SEZ6L: variants seen among roughly 807,000 people sequenced by gnomAD.
The protein encoded by SEZ6L is seizure 6-like protein.
SEZ6L carries 37 observed loss-of-function variants against 106.2 expected under a neutral mutation model. The ratio of observed to expected loss-of-function variants is 0.35; its 90% CI spans 0.27 to 0.46. The LOEUF is 0.46. SEZ6L is among the 20% of genes least tolerant of loss of function. SEZ6L has a pLI of 1.00. For synonymous variants in SEZ6L, 541 were observed against 570.4 expected (o/e 0.95, Z 0.73); for missense variants, 1,172 against 1,332.8 (o/e 0.88, Z 1.88).
chr22:26,217,642 G>A (rs2078337208), intron 1 of SEZ6L, among the ~76,000 whole-genome samples: 1 of 152,196 alleles, frequency 6.6e-6, no homozygotes, highest in South Asian at 2.1e-4. Flanking sequence ...ATGGCCATGA[G>A]CAAGTCCCCC....
chr22:26,338,875 T>C (rs1447118582), intron 9 of SEZ6L, among the ~76,000 whole-genome samples: 1 of 126,828 alleles, frequency 7.9e-6, no homozygotes, highest in Non-Finnish European at 1.7e-5. Context: ...TTCTTTTTTT[T>C]TTTTTTTTTG....
At chr22:26,271,940 G>A (rs1271366851) in intron 1 of SEZ6L, among the ~76,000 whole-genome samples, 3 of 152,220 alleles carry the variant, frequency 2.0e-5, no homozygotes, top group African/African-American at 7.2e-5. Context: ...CTGTGATGTA[G>A]ACAGAAGATG....
At chr22:26,201,404 A>G (rs1940948483) in intron 1 of SEZ6L, among the ~76,000 whole-genome samples, 2 of 147,722 alleles carry the variant, frequency 1.4e-5, no homozygotes, top group South Asian at 4.3e-4. Context: ...AAAAAAAAAA[A>G]GAGGAAATTT....
intron 9 of SEZ6L, among the ~76,000 whole-genome samples, chr22:26,319,773 G>A (rs948479705): frequency 1.3e-5 from 2 of 152,166 alleles, no homozygotes; most frequent in Admixed American, 1.3e-4. Context: ...TTTATTTTTT[G>A]TCTTATTCAC....
Position 26,173,614 on chromosome 22 carries a change from C to T in SEZ6L, c.94+3851C>T, listed in dbSNP as rs1054920086. Among the ~76,000 whole-genome samples the T allele has an allele frequency of 7.2e-5, 11 of 152,160 alleles. 1 individual carries two copies. The highest frequency in any genetic ancestry group is 1.5e-4 in the Non-Finnish European group (10 of 68,050). On this transcript the variant is annotated intron_variant, in intron 1 of 16. Coordinates refer to ENST00000248933, the MANE Select transcript of SEZ6L (RefSeq NM_021115.5). Reference sequence around the variant, plus strand: ...CTTTCATTCATTCATTTGAATTTACCGAGCACTTCCTATGTGTCTTAGTTC... The same window carrying T: ...CTTTCATTCATTCATTTGAATTTACTGAGCACTTCCTATGTGTCTTAGTTC...
At chr22:26,348,939 G>C (rs2083182437) in intron 11 of SEZ6L, among the ~76,000 whole-genome samples, 1 of 141,880 alleles carries the variant, frequency 7.0e-6, no homozygotes, top group Non-Finnish European at 1.5e-5. Flanking sequence ...AAGGAAGGGA[G>C]GGAGGGAAGG....
intron 1 of SEZ6L, among the ~76,000 whole-genome samples, chr22:26,180,139 C>T (rs536287685): frequency 4.6e-5 from 7 of 152,170 alleles, no homozygotes; most frequent in Non-Finnish European, 8.8e-5. Flanking sequence ...GGAAGCATGC[C>T]ATGTGACACA....
At chr22:26,321,565 ACCT>A (rs2082155447) in intron 9 of SEZ6L, among the ~76,000 whole-genome samples, 1 of 152,004 alleles carries the variant, frequency 6.6e-6, no homozygotes, top group Non-Finnish European at 1.5e-5. Flanking sequence ...TGGACTTGGC[ACCT>A]CCTCCCTCCC....
At chr22:26,227,077 T>C (rs80192036) in intron 1 of SEZ6L, among the ~76,000 whole-genome samples, 1 of 152,232 alleles carries the variant, frequency 6.6e-6, no homozygotes, top group Non-Finnish European at 1.5e-5. Flanking sequence ...TCCATGAACA[T>C]GTGCACCGTG....
chr22:26,242,606 C>A (rs1175338048), intron 1 of SEZ6L: 1 of 152,172 alleles, frequency 6.6e-6, no homozygotes, highest in Non-Finnish European at 1.5e-5. Context: ...TAAAAAAGAA[C>A]AATTATTATT....
chr22:26,357,475 AAG>A (rs2083475523), intron 12 of SEZ6L, among the ~76,000 whole-genome samples: 1 of 152,170 alleles, frequency 6.6e-6, no homozygotes, highest in Admixed American at 6.5e-5. Flanking sequence ...CTCCTCCAGG[AAG>A]TCCTCCCTGA....
chr22:26,352,884 C>A (rs2083325452), intron 12 of SEZ6L, among the ~76,000 whole-genome samples: 3 of 152,214 alleles, frequency 2.0e-5, no homozygotes, highest in African/African-American at 7.2e-5. Context: ...AAGCCAAGTT[C>A]CCGTGTGCTA....
intron 1 of SEZ6L, among the ~76,000 whole-genome samples, chr22:26,194,622 G>A (rs1940462280): frequency 6.6e-6 from 1 of 152,198 alleles, no homozygotes; most frequent in African/African-American, 2.4e-5. Context: ...AAAGAGTTGA[G>A]GGATCATGGG....
At chr22:26,271,209 T>C (rs1217145570) in intron 1 of SEZ6L, among the ~76,000 whole-genome samples, 2 of 152,210 alleles carry the variant, frequency 1.3e-5, no homozygotes, top group African/African-American at 4.8e-5. Context: ...GTAGTATGTA[T>C]ATAAACAACA....
chr22:26,218,013 CA>C (rs2145717371), intron 1 of SEZ6L, among the ~76,000 whole-genome samples: 1 of 152,280 alleles, frequency 6.6e-6, no homozygotes, highest in East Asian at 1.9e-4. Flanking sequence ...TGCTGGAGAG[CA>C]GAGGTAAATT....
chr22:26,235,700 T>G (rs1260232990), intron 1 of SEZ6L, among the ~76,000 whole-genome samples: 1 of 152,118 alleles, frequency 6.6e-6, no homozygotes, highest in Non-Finnish European at 1.5e-5. Context: ...AGCAAAAGGC[T>G]TAGGGGCTTG....
In SEZ6L at chr22:26,229,436, AT is replaced by A. The variant is rs549739127; in HGVS notation, c.94+59674del. 4.2e-4 allele frequency among the ~76,000 whole-genome samples: 64 copies of A among 152,362 alleles called. No individual in the cohort carries two copies. In the South Asian group the frequency reaches 6.6e-3, roughly 16 times the overall value. On this transcript the variant is annotated intron_variant, in intron 1 of 16. Transcript: ENST00000248933. Reference sequence around the variant, plus strand: ...AATGTCTCCAGCTGTTTTAAAAAAAATAATCAAAATAATTAATATGCATAAC... The same window carrying A: ...AATGTCTCCAGCTGTTTTAAAAAAAAAATCAAAATAATTAATATGCATAAC...
At chr22:26,213,650 G>A (rs1183838979) in intron 1 of SEZ6L, among the ~76,000 whole-genome samples, 1 of 152,176 alleles carries the variant, frequency 6.6e-6, no homozygotes, top group Non-Finnish European at 1.5e-5. Context: ...GCACACAGCT[G>A]GACTAGGCAA....
At chr22:26,218,983 A>G (rs1299800949) in intron 1 of SEZ6L, among the ~76,000 whole-genome samples, 1 of 152,170 alleles carries the variant, frequency 6.6e-6, no homozygotes, top group Non-Finnish European at 1.5e-5. Context: ...AGAAAAAAGT[A>G]AAGTAAGCAA....
Sources: allele counts gnomAD v4.1 joint callset (sites outside exome capture counted in the v4.1 genomes callset), GRCh38; gene constraint gnomAD v4.1.1; transcripts MANE v1.5; gene names NCBI Gene and HGNC (gene_info 2026-07-23, HGNC 2026-07-21).